The following ATXN8OS variants were observed in gnomAD, a reference collection of about 807,000 sequenced individuals.
ATXN8OS encodes ATXN8 opposite strand lncRNA.
intron 4 of ATXN8OS, among the ~76,000 whole-genome samples, chr13:70,153,109 GA>G (rs1027220136): frequency 1.3e-5 from 2 of 151,076 alleles, no homozygotes; most frequent in African/African-American, 2.4e-5. Flanking sequence ...GGGAGAGAAA[GA>G]AAAAAAGTAC....
intron 2 of ATXN8OS, among the ~76,000 whole-genome samples, chr13:70,119,867 T>C (rs761833355): frequency 7.9e-5 from 12 of 152,116 alleles, no homozygotes. Context: ...ATGTTGAAAC[T>C]TGGGTTCCAT....
chr13:70,130,620 T>C (rs1470132630), intron 3 of ATXN8OS: 2 of 397,908 alleles, frequency 5.0e-6, no homozygotes, highest in African/African-American at 4.1e-5. Flanking sequence ...GGGTAAGTAA[T>C]GCAGAGCAAC....
At chr13:70,110,292 T>A (rs566143790) in intron 1 of ATXN8OS, among the ~76,000 whole-genome samples, 4 of 152,274 alleles carry the variant, frequency 2.6e-5, no homozygotes, top group African/African-American at 7.2e-5. Context: ...TATTTGTCAA[T>A]CTTAATACAA....
At chr13:70,120,997 A>G (rs886873097) in intron 2 of ATXN8OS, among the ~76,000 whole-genome samples, 4 of 152,032 alleles carry the variant, frequency 2.6e-5, no homozygotes, top group African/African-American at 9.7e-5. Context: ...GGTGCAGCAC[A>G]CCAACATGGC....
chr13:70,138,274 T>C (rs1888647183), intron 3 of ATXN8OS, among the ~76,000 whole-genome samples: 1 of 152,022 alleles, frequency 6.6e-6, no homozygotes. Flanking sequence ...CTTCAAGAGA[T>C]TTTTCAGGCT....
intron 4 of ATXN8OS, among the ~76,000 whole-genome samples, chr13:70,158,554 C>T (rs933137057): frequency 1.3e-5 from 2 of 152,196 alleles, no homozygotes; most frequent in African/African-American, 4.8e-5. Context: ...TCTCTCAGTG[C>T]ACTATGTGCT....
chr13:70,161,884 C>A (rs185800945), intron 4 of ATXN8OS, among the ~76,000 whole-genome samples: 9 of 151,980 alleles, frequency 5.9e-5, no homozygotes, highest in Admixed American at 5.9e-4. Flanking sequence ...ATGTACCATG[C>A]AGATGAGAGC....
chr13:70,128,482 A>C (rs1024009409), intron 2 of ATXN8OS, among the ~76,000 whole-genome samples: 1 of 152,126 alleles, frequency 6.6e-6, no homozygotes, highest in African/African-American at 2.4e-5. Flanking sequence ...GGTCTTGAAG[A>C]GTAGAAACAC....
intron 1 of ATXN8OS, among the ~76,000 whole-genome samples, chr13:70,109,340 A>G (rs1888159586): frequency 1.3e-5 from 2 of 152,214 alleles, no homozygotes; most frequent in East Asian, 1.9e-4. Context: ...CAAAGGGACC[A>G]GAAATGCAAT....
chr13:70,141,629 T>TAA (rs1362948943), intron 3 of ATXN8OS, among the ~76,000 whole-genome samples: 2 of 152,178 alleles, frequency 1.3e-5, no homozygotes, highest in Admixed American at 6.5e-5. Flanking sequence ...CGTATATATA[T>TAA]AACCATTTCA....
intron 4 of ATXN8OS, among the ~76,000 whole-genome samples, chr13:70,150,929 T>G (rs1419423614): frequency 6.6e-6 from 1 of 152,142 alleles, no homozygotes; most frequent in East Asian, 1.9e-4. Flanking sequence ...CAAAGAAGGT[T>G]CGTGGCAAAG....
intron 4 of ATXN8OS, among the ~76,000 whole-genome samples, chr13:70,158,201 C>T (rs984761054): frequency 6.6e-6 from 1 of 152,016 alleles, no homozygotes; most frequent in Non-Finnish European, 1.5e-5. Flanking sequence ...AGGCAGATCA[C>T]GAGGTCAGGA....
At chr13:70,115,227 A>G (rs1310805243) in exon 2 of ATXN8OS, 1 of 398,412 alleles carries the variant, frequency 2.5e-6, no homozygotes, top group African/African-American at 2.1e-5. Flanking sequence ...AGTAGAAGGC[A>G]GAAGGGCAAG....
chr13:70,141,166 G>C lies in ATXN8OS; in HGVS notation n.500-6189G>C, dbSNP rs554477191. On this transcript the variant is annotated intron_variant and non_coding_transcript_variant, in intron 3 of 4. Transcript: ENST00000678624. ...AGTAATTTTATGTGAATGGGAAAAA[G>C]TTGATCCTTCCTCAAGTTTCTTTGC... Among the ~76,000 whole-genome samples, 4 of 152,282 alleles carry C rather than the reference G, an allele frequency of 2.6e-5. No homozygotes were observed. The East Asian group carries it at 7.7e-4, about 29-fold the overall frequency.
At chr13:70,124,483 A>T (rs1042887439) in intron 2 of ATXN8OS, among the ~76,000 whole-genome samples, 2 of 152,114 alleles carry the variant, frequency 1.3e-5, no homozygotes, top group African/African-American at 4.8e-5. Context: ...ATAAATAGGT[A>T]GGAGGGTGGA....
intron 4 of ATXN8OS, among the ~76,000 whole-genome samples, chr13:70,159,476 T>C (rs1888977210): frequency 6.6e-6 from 1 of 152,132 alleles, no homozygotes; most frequent in Admixed American, 6.5e-5. Context: ...ATGATATTCT[T>C]TTTGGTTTTC....
At chr13:70,120,447 TAGG>T (rs1888343451) in intron 2 of ATXN8OS, among the ~76,000 whole-genome samples, 1 of 152,140 alleles carries the variant, frequency 6.6e-6, no homozygotes, top group South Asian at 2.1e-4. Context: ...TTTAGACTAT[TAGG>T]AGGAGGCCAT....
chr13:70,138,555 A>G (rs1215527003), intron 3 of ATXN8OS, among the ~76,000 whole-genome samples: 1 of 152,138 alleles, frequency 6.6e-6, no homozygotes, highest in Non-Finnish European at 1.5e-5. Flanking sequence ...CTATAGATTT[A>G]TTAATAAACT....
chr13:70,127,485 T>C (rs2137480292), intron 2 of ATXN8OS, among the ~76,000 whole-genome samples: 2 of 152,174 alleles, frequency 1.3e-5, no homozygotes, highest in South Asian at 4.1e-4. Flanking sequence ...TAGAGAGGTA[T>C]ATATGTAAAT....
Sources: allele counts gnomAD v4.1 joint callset (sites outside exome capture counted in the v4.1 genomes callset), GRCh38; gene constraint gnomAD v4.1.1; transcripts MANE v1.5; gene names NCBI Gene and HGNC (gene_info 2026-07-23, HGNC 2026-07-21).